The following CNTNAP4 variants were observed in gnomAD, a reference collection of about 807,000 sequenced individuals.
The protein encoded by CNTNAP4 is contactin associated protein family member 4.
In CNTNAP4, 98 loss-of-function variants were observed where a neutral mutation model predicts 148.4. The observed-to-expected ratio is 0.66, with a 90% CI of 0.56 to 0.78. The LOEUF (loss-of-function observed/expected upper bound fraction) is 0.78, where lower values mean the gene tolerates loss of function less well. Ranked by LOEUF, CNTNAP4 falls within the 30% of genes least tolerant of loss-of-function variation. CNTNAP4 has a pLI of 0.00. For missense variants in CNTNAP4, 1,935 were observed against 1,565.6 expected, an observed-to-expected ratio of 1.24 and a Z score of -3.98; for synonymous variants, 730 against 565.1, an observed-to-expected ratio of 1.29 and a Z score of -4.14.
intron 3 of CNTNAP4, among the ~76,000 whole-genome samples, chr16:76,376,735 A>G (rs1212057078): frequency 3.3e-5 from 5 of 152,216 alleles, no homozygotes; most frequent in African/African-American, 9.6e-5. Flanking sequence ...CCACAGGGAT[A>G]CTGTGATGGT....
chr16:76,419,245 T>A (rs1459922353), intron 3 of CNTNAP4, among the ~76,000 whole-genome samples: 1 of 151,876 alleles, frequency 6.6e-6, no homozygotes, highest in Non-Finnish European at 1.5e-5. Flanking sequence ...TTTCCTTAGG[T>A]AAGACAGGAA....
At chr16:76,307,937 C>G (rs1170133197) in intron 1 of CNTNAP4, among the ~76,000 whole-genome samples, 2 of 152,144 alleles carry the variant, frequency 1.3e-5, no homozygotes, top group African/African-American at 4.8e-5. Context: ...AAGCTTAGGT[C>G]AATAACATCA....
chr16:76,331,312 C>G (rs537463241), intron 2 of CNTNAP4, among the ~76,000 whole-genome samples: 68 of 152,012 alleles, frequency 4.5e-4, no homozygotes, highest in African/African-American at 1.6e-3. Flanking sequence ...CTCAGCCTCC[C>G]GAGTAGCTGG....
chr16:76,555,664 A>T (rs1405319342), intron 23 of CNTNAP4, among the ~76,000 whole-genome samples: 1 of 152,204 alleles, frequency 6.6e-6, no homozygotes, highest in East Asian at 1.9e-4. Flanking sequence ...TTTTGCTCAA[A>T]CATCATTGGC....
intron 3 of CNTNAP4, among the ~76,000 whole-genome samples, chr16:76,425,235 G>T (rs1340491397): frequency 6.6e-6 from 1 of 152,092 alleles, no homozygotes; most frequent in Non-Finnish European, 1.5e-5. Flanking sequence ...CAGTTTTCTG[G>T]CCTTATATGT....
intron 2 of CNTNAP4, among the ~76,000 whole-genome samples, chr16:76,329,683 A>G (rs1289513628): frequency 6.6e-6 from 1 of 152,196 alleles, no homozygotes; most frequent in African/African-American, 2.4e-5. Context: ...TGACGTAAGG[A>G]TTATTTGTTA....
At chr16:76,280,930 C>T (rs1195574700) in intron 1 of CNTNAP4, among the ~76,000 whole-genome samples, 1 of 152,118 alleles carries the variant, frequency 6.6e-6, no homozygotes, top group East Asian at 1.9e-4. Context: ...TTTATTTTAA[C>T]TCTTGCAGAT....
At chr16:76,298,088 G>T (rs761760757) in intron 1 of CNTNAP4, among the ~76,000 whole-genome samples, 3 of 151,838 alleles carry the variant, frequency 2.0e-5, no homozygotes, top group Non-Finnish European at 4.4e-5. Context: ...CATCTCTTTT[G>T]TTCTACTGCC....
chr16:76,384,005 T>A (rs893046664), intron 3 of CNTNAP4, among the ~76,000 whole-genome samples: 1 of 152,128 alleles, frequency 6.6e-6, no homozygotes, highest in African/African-American at 2.4e-5. Context: ...TTTTTTGTTT[T>A]GTTTTTTGTT....
intron 3 of CNTNAP4, among the ~76,000 whole-genome samples, chr16:76,367,071 T>G (rs536209563): frequency 6.6e-6 from 1 of 151,752 alleles, no homozygotes; most frequent in Non-Finnish European, 1.5e-5. Context: ...TAATTAAAAC[T>G]TATTGATACT....
chr16:76,388,631 A>G (rs2016706232), intron 3 of CNTNAP4, among the ~76,000 whole-genome samples: 1 of 152,214 alleles, frequency 6.6e-6, no homozygotes, highest in Admixed American at 6.5e-5. Context: ...ATAATGTCTG[A>G]TATATAATAG....
chr16:76,330,513 A>G (rs550780036), intron 2 of CNTNAP4, among the ~76,000 whole-genome samples: 1 of 152,328 alleles, frequency 6.6e-6, no homozygotes, highest in East Asian at 1.9e-4. Flanking sequence ...TGCACTTGCC[A>G]ATATCCAGCT....
At chr16:76,456,361 C>A (rs2080731283) in intron 8 of CNTNAP4, among the ~76,000 whole-genome samples, 1 of 152,154 alleles carries the variant, frequency 6.6e-6, no homozygotes, top group Non-Finnish European at 1.5e-5. Flanking sequence ...GATTAAATAT[C>A]TTTGTAAACC....
chr16:76,430,466 C>T (rs893677344), intron 4 of CNTNAP4, among the ~76,000 whole-genome samples: 2 of 152,170 alleles, frequency 1.3e-5, no homozygotes, highest in African/African-American at 4.8e-5. Context: ...CCTTAAGTAG[C>T]ACAGACCCAA....
chr16:76,490,559 C>T (rs1298035186), intron 13 of CNTNAP4, among the ~76,000 whole-genome samples: 1 of 152,184 alleles, frequency 6.6e-6, no homozygotes, highest in African/African-American at 2.4e-5. Flanking sequence ...AAGAGCTTTC[C>T]AGCTGGCCTC....
At chr16:76,417,774 T>C (rs1003031967) in intron 3 of CNTNAP4, among the ~76,000 whole-genome samples, 1 of 151,652 alleles carries the variant, frequency 6.6e-6, no homozygotes, top group African/African-American at 2.4e-5. Flanking sequence ...ACATTTCTTA[T>C]AGGGAAGGAA....
At chr16:76,485,620 T>C (rs974020186) in intron 12 of CNTNAP4, among the ~76,000 whole-genome samples, 2 of 152,166 alleles carry the variant, frequency 1.3e-5, no homozygotes, top group African/African-American at 4.8e-5. Flanking sequence ...TGGGTTTAGT[T>C]TCCCTGACTC....
chr16:76,521,987 G>T, intron 16 of CNTNAP4, 52 bp from the exon 17 acceptor site: 2 of 1,525,136 alleles, frequency 1.3e-6, no homozygotes, highest in Non-Finnish European at 9.1e-7. Flanking sequence ...TGGAGACTCG[G>T]CACTTCGCCA....
chr16:76,425,980 G>T (rs2079382076), intron 3 of CNTNAP4, among the ~76,000 whole-genome samples: 1 of 152,246 alleles, frequency 6.6e-6, no homozygotes, highest in African/African-American at 2.4e-5. Context: ...CCAGGAAGAG[G>T]CTGTCAGGGA....
Sources: allele counts gnomAD v4.1 joint callset (sites outside exome capture counted in the v4.1 genomes callset), GRCh38; gene constraint gnomAD v4.1.1; transcripts MANE v1.5; gene names NCBI Gene and HGNC (gene_info 2026-07-23, HGNC 2026-07-21).